GPAT3: variants seen among roughly 807,000 people sequenced by gnomAD.
The protein encoded by GPAT3 is 1-AGP acyltransferase 9.
A neutral mutation model predicts 58.8 loss-of-function variants in GPAT3; 53 were observed. That is an observed-to-expected ratio of 0.90 (90% CI 0.72 to 1.13). The LOEUF (loss-of-function observed/expected upper bound fraction) is 1.13. Ranked by LOEUF, GPAT3 falls within the 50% of genes most tolerant of loss-of-function variation. GPAT3 has a pLI of 0.00. For synonymous variants in GPAT3, 197 were observed against 187.4 expected, an observed-to-expected ratio of 1.05 and a Z score of -0.42; for missense variants, 511 against 527.6, an observed-to-expected ratio of 0.97 and a Z score of 0.31.
At chr4:83,564,554 C>T (rs1725312210) in intron 2 of GPAT3, among the ~76,000 whole-genome samples, 1 of 152,024 alleles carries the variant, frequency 6.6e-6, no homozygotes, top group Non-Finnish European at 1.5e-5. Flanking sequence ...AAAAAATTAG[C>T]CAGGTGTGGT....
intron 3 of GPAT3, 146 bp from the exon 4 acceptor site, chr4:83,587,109 G>A: frequency 1.5e-6 from 1 of 656,866 alleles, no homozygotes; most frequent in Non-Finnish European, 2.7e-6. Context: ...GATCTATATA[G>A]ATTTACCCAG....
chr4:83,544,329 C>G (rs560187795), intron 1 of GPAT3, among the ~76,000 whole-genome samples: 1 of 152,136 alleles, frequency 6.6e-6, no homozygotes, highest in Non-Finnish European at 1.5e-5. Context: ...GTCCTTTCCA[C>G]ATTTTATTAG....
chr4:83,540,155 TAAAAAAAA>T (rs58697347), intron 1 of GPAT3, among the ~76,000 whole-genome samples: 1 of 94,280 alleles, frequency 1.1e-5, no homozygotes. Context: ...AGACTCCATC[TAAAAAAAA>T]AAAAAAAAAA....
At chr4:83,586,431 G>A (rs572157676) in intron 3 of GPAT3, among the ~76,000 whole-genome samples, 3 of 152,144 alleles carry the variant, frequency 2.0e-5, no homozygotes, top group Non-Finnish European at 4.4e-5. Flanking sequence ...CAACACGTGT[G>A]TGCTCTTCTG....
intron 2 of GPAT3, among the ~76,000 whole-genome samples, chr4:83,573,510 A>G (rs939247589): frequency 2.6e-5 from 4 of 152,156 alleles, no homozygotes; most frequent in Non-Finnish European, 4.4e-5. Context: ...TTGACATTGA[A>G]TATTTCTGTT....
intron 2 of GPAT3, among the ~76,000 whole-genome samples, chr4:83,560,155 G>A (rs1157107514): frequency 6.6e-6 from 1 of 152,164 alleles, no homozygotes; most frequent in African/African-American, 2.4e-5. Context: ...GATTGGGCTG[G>A]TGAAAGAAGA....
intron 1 of GPAT3, among the ~76,000 whole-genome samples, chr4:83,537,435 T>A (rs1724140991): frequency 1.3e-5 from 2 of 152,056 alleles, no homozygotes; most frequent in Non-Finnish European, 2.9e-5. Context: ...TCTTAGGGTT[T>A]TATTAAGTGT....
rs1725197555 is a variant in GPAT3 at position 83,562,234 on chromosome 4, A to AT, written c.208+17633dup. On this transcript the variant is annotated intron_variant, in intron 2 of 11. Coordinates refer to ENST00000264409, the MANE Select transcript of GPAT3 (RefSeq NM_032717.5). ...TATTATATATATATATAATATATAT[A>AT]TAATATATATATATAAAATATAGTT... is the stretch of plus-strand genomic sequence containing the variant. Among the ~76,000 whole-genome samples, 3 of 76,776 alleles carry AT rather than the reference A, an allele frequency of 3.9e-5. No homozygotes were observed. The South Asian group carries it at 1.3e-3, about 34-fold the overall frequency. 50.4% of individuals were successfully genotyped at this position (76,776 alleles called of 152,430 possible). A position where few individuals can be genotyped will look rare whatever the true frequency, so the allele number is the denominator to read the frequency against.
rs561206315 is a variant in GPAT3, at chr4:83,551,519, C to T, written c.208+6917C>T. ...TTCTTTAAAATATACCTGGGCTGGG[C>T]GCAGTGGCTCATGCCTGTAATCCCA... On this transcript the variant is annotated intron_variant, in intron 2 of 11. Coordinates refer to ENST00000264409, the MANE Select transcript of GPAT3 (RefSeq NM_032717.5). 2.5e-3 allele frequency among the ~76,000 whole-genome samples: 382 copies of T among 152,054 alleles called. 4 individuals are homozygous for T. Among genetic ancestry groups the T allele is most frequent in the African/African-American group, 8.8e-3 (364 of 41,496 alleles).
In GPAT3 at chr4:83,604,593, C is replaced by T. The variant is rs1727187582; in HGVS notation, c.1206-75C>T. On this transcript the variant is annotated intron_variant, in intron 11 of 11. Coordinates refer to ENST00000264409, the MANE Select transcript of GPAT3 (RefSeq NM_032717.5). ...GCCTAAGCGTCATGGTATCATGCAG[C>T]ATGTAATTATTAAGTTAACTCTTTT... 4.3e-6 allele frequency: 5 copies of T among 1,157,706 alleles called. No homozygotes were observed. The East Asian group carries it at 1.2e-4, about 29-fold the overall frequency. 71.7% of individuals were successfully genotyped at this position (1,157,706 alleles called of 1,614,324 possible). A position where few individuals can be genotyped will look rare whatever the true frequency, so the allele number is the denominator to read the frequency against.
At chr4:83,548,794 A>G (rs898497907) in intron 2 of GPAT3, among the ~76,000 whole-genome samples, 1 of 152,122 alleles carries the variant, frequency 6.6e-6, no homozygotes. Flanking sequence ...TCTGCCTTGT[A>G]TCTCATGCCC....
At chr4:83,565,033 C>G (rs1434478088) in intron 2 of GPAT3, among the ~76,000 whole-genome samples, 1 of 151,774 alleles carries the variant, frequency 6.6e-6, no homozygotes, top group Non-Finnish European at 1.5e-5. Flanking sequence ...TGAAAAAAAT[C>G]TTTAACCAAC....
At chr4:83,604,353 G>C (rs1727177759) in intron 11 of GPAT3, among the ~76,000 whole-genome samples, 1 of 152,200 alleles carries the variant, frequency 6.6e-6, no homozygotes, top group South Asian at 2.1e-4. Context: ...TTACAGATGT[G>C]AGCCACTGTG....
upstream of GPAT3, chr4:83,535,730 G>C: frequency 1.0e-6 from 1 of 985,406 alleles, no homozygotes; most frequent in Non-Finnish European, 1.2e-6. Flanking sequence ...ACAGCTGTAG[G>C]CCATGTGGGG....
chr4:83,581,007 A>T (rs971807039), intron 2 of GPAT3, among the ~76,000 whole-genome samples: 3 of 139,012 alleles, frequency 2.2e-5, no homozygotes, highest in African/African-American at 8.1e-5. Flanking sequence ...GAGGCAGGAG[A>T]TTGGCATGAA....
chr4:83,584,596 G>T (rs548615398), intron 3 of GPAT3, among the ~76,000 whole-genome samples: 33 of 152,042 alleles, frequency 2.2e-4, no homozygotes, highest in Non-Finnish European at 4.4e-4. Flanking sequence ...ACCTCTGCCC[G>T]CTGAGTTCAA....
At chr4:83,549,465 GTGTATGTA>G (rs1180029313) in intron 2 of GPAT3, among the ~76,000 whole-genome samples, 3 of 120,462 alleles carry the variant, frequency 2.5e-5, no homozygotes, top group East Asian at 2.1e-4. Context: ...GTGTGTGTGT[GTGTATGTA>G]TATATATATG....
chr4:83,598,068 T>C lies in GPAT3; in HGVS notation c.1014T>C (p.Gly338=). 1 of 1,613,716 alleles carries C rather than the reference T, an allele frequency of 6.2e-7. No individual in the cohort carries two copies. The highest frequency in any genetic ancestry group is 8.5e-7 in the Non-Finnish European group (1 of 1,179,878). ...TTTCTCAGTATAACCCTCAGTTCGGTGATGCATTTTGGAACAGTAGTAAAT... is the reference window on the plus strand; with the variant it reads ...TTTCTCAGTATAACCCTCAGTTCGGCGATGCATTTTGGAACAGTAGTAAAT... ...PVAIKYNPQF[G]DAFWNSSKYN... is the part of the protein sequence containing the mutation. The change falls in exon 10 of 12, where the codon GGT becomes GGC. Residue 338 remains glycine, a synonymous_variant. Coordinates refer to ENST00000264409, the MANE Select transcript of GPAT3 (RefSeq NM_032717.5).
chr4:83,595,992 G>T (rs898760026), intron 7 of GPAT3, among the ~76,000 whole-genome samples: 3 of 152,206 alleles, frequency 2.0e-5, no homozygotes, highest in Admixed American at 6.5e-5. Flanking sequence ...CTGCAGTCTG[G>T]CTACCTCAGC....
Sources: allele counts gnomAD v4.1 joint callset (sites outside exome capture counted in the v4.1 genomes callset), GRCh38; gene constraint gnomAD v4.1.1; transcripts MANE v1.5; gene names NCBI Gene and HGNC (gene_info 2026-07-23, HGNC 2026-07-21).